NKAIN3: variants seen among roughly 807,000 people sequenced by gnomAD.
NKAIN3 encodes sodium/potassium transporting ATPase interacting 3.
In NKAIN3, 25 loss-of-function variants were observed where a neutral mutation model predicts 30.2. The ratio of observed to expected loss-of-function variants is 0.83; its 90% CI spans 0.60 to 1.16. The LOEUF is 1.16. Ranked by LOEUF, NKAIN3 falls within the 50% of genes most tolerant of loss-of-function variation. The pLI, the probability that NKAIN3 is intolerant of heterozygous loss-of-function variation, is 0.00. For missense variants in NKAIN3, 225 were observed against 254.1 expected, an observed-to-expected ratio of 0.89 and a Z score of 0.78; for synonymous variants, 91 against 89.6, an observed-to-expected ratio of 1.02 and a Z score of -0.09.
At chr8:62,739,559 C>CA (rs1044780165) in intron 3 of NKAIN3, among the ~76,000 whole-genome samples, 11 of 151,882 alleles carry the variant, frequency 7.2e-5, no homozygotes, top group South Asian at 2.1e-4. Flanking sequence ...TATTTTGGTG[C>CA]AAAAAAATTG....
intron 3 of NKAIN3, among the ~76,000 whole-genome samples, chr8:62,715,319 G>A (rs1015487793): frequency 6.6e-6 from 1 of 152,146 alleles, no homozygotes; most frequent in African/African-American, 2.4e-5. Context: ...CCAGTGTCCA[G>A]GTTGACTAAT....
intron 3 of NKAIN3, among the ~76,000 whole-genome samples, chr8:62,724,379 G>A (rs1415192453): frequency 2.0e-5 from 3 of 151,890 alleles, no homozygotes; most frequent in Non-Finnish European, 2.9e-5. Context: ...TCTTTGCTTT[G>A]TGTTATCATC....
chr8:62,788,606 G>C (rs1392561964), intron 4 of NKAIN3, among the ~76,000 whole-genome samples: 1 of 152,064 alleles, frequency 6.6e-6, no homozygotes, highest in East Asian at 1.9e-4. Context: ...TGAAGTCCTT[G>C]CCCATGCCTA....
At chr8:62,419,453 T>C (rs1488758849) in intron 1 of NKAIN3, among the ~76,000 whole-genome samples, 2 of 152,138 alleles carry the variant, frequency 1.3e-5, no homozygotes, top group Non-Finnish European at 2.9e-5. Flanking sequence ...TAAGGAGAAA[T>C]CACAGCTCTC....
intron 4 of NKAIN3, chr8:62,856,156 C>A: frequency 1.4e-6 from 1 of 737,194 alleles, no homozygotes; most frequent in East Asian, 2.5e-5. Flanking sequence ...AGATCTCAGA[C>A]CTCTTGGTAT....
chr8:62,279,144 T>C (rs1813080459), intron 1 of NKAIN3, among the ~76,000 whole-genome samples: 1 of 152,234 alleles, frequency 6.6e-6, no homozygotes, highest in African/African-American at 2.4e-5. Flanking sequence ...ATGAGCATTT[T>C]TTCACGTGTC....
intron 4 of NKAIN3, among the ~76,000 whole-genome samples, chr8:62,780,375 AC>A (rs1438320647): frequency 6.6e-6 from 1 of 152,090 alleles, no homozygotes; most frequent in Non-Finnish European, 1.5e-5. Flanking sequence ...AAGAACTAAT[AC>A]CAATTCCCTC....
chr8:62,363,320 G>C (rs1029567647), intron 1 of NKAIN3, among the ~76,000 whole-genome samples: 1 of 152,136 alleles, frequency 6.6e-6, no homozygotes, highest in Non-Finnish European at 1.5e-5. Flanking sequence ...GTCTTGTAAG[G>C]AGAGCTCACT....
At chr8:62,685,571 T>G (rs1017207291) in intron 3 of NKAIN3, among the ~76,000 whole-genome samples, 2 of 152,214 alleles carry the variant, frequency 1.3e-5, no homozygotes, top group Non-Finnish European at 2.9e-5. Flanking sequence ...TTCAGGAAAA[T>G]TAATTCTTCT....
At chr8:62,268,737 C>T (rs925806904) in intron 1 of NKAIN3, among the ~76,000 whole-genome samples, 2 of 152,094 alleles carry the variant, frequency 1.3e-5, no homozygotes, top group Admixed American at 6.6e-5. Context: ...ACATTGCTGG[C>T]CGATAAACAG....
At chr8:62,997,902 G>C (rs1481792596) in intron 5 of NKAIN3, among the ~76,000 whole-genome samples, 21 of 152,062 alleles carry the variant, frequency 1.4e-4, no homozygotes, top group Non-Finnish European at 1.5e-5. Context: ...TTACCCCTTA[G>C]GGCTTTTTGG....
chr8:62,509,016 G>C (rs1409543483), intron 1 of NKAIN3, among the ~76,000 whole-genome samples: 1 of 152,102 alleles, frequency 6.6e-6, no homozygotes, highest in Non-Finnish European at 1.5e-5. Flanking sequence ...TATATCTTTA[G>C]TGAGAAGGTC....
Position 62,820,867 on chromosome 8 carries a change from A to C in NKAIN3, c.471+73738A>C, listed in dbSNP as rs189603750. 2.9e-3 allele frequency among the ~76,000 whole-genome samples: 447 copies of C among 152,258 alleles called. 1 individual carries two copies. The highest frequency in any genetic ancestry group is 0.01 in the African/African-American group (425 of 41,576). ...AAACATGAATGTGCATATTTAGCTA[A>C]GTAATTTGAAGCAATCTGAGTCTAC... On this transcript the variant is annotated intron_variant, in intron 4 of 6. Transcript: ENST00000623646.
intron 1 of NKAIN3, among the ~76,000 whole-genome samples, chr8:62,443,902 C>A (rs1354972119): frequency 6.6e-6 from 1 of 152,044 alleles, no homozygotes; most frequent in Non-Finnish European, 1.5e-5. Flanking sequence ...GTCTTGTAAG[C>A]ACTTTGCCTG....
At chr8:62,590,895 T>C (rs1262522097) in intron 3 of NKAIN3, among the ~76,000 whole-genome samples, 1 of 151,910 alleles carries the variant, frequency 6.6e-6, no homozygotes. Context: ...AAGCAACGTT[T>C]CCAATATTGA....
rs1214627324 is a variant in NKAIN3 at position 62,967,832 on chromosome 8, T to C, written c.*2425T>C. Among the ~76,000 whole-genome samples, 1 of 152,164 alleles carries C rather than the reference T, an allele frequency of 6.6e-6. No individual in the cohort carries two copies. Among genetic ancestry groups the C allele is most frequent in the Non-Finnish European group, 1.5e-5 (1 of 68,026 alleles). On this transcript the variant is annotated 3_prime_UTR_variant, in exon 7 of 7. Coordinates refer to ENST00000623646, the MANE Select transcript of NKAIN3 (RefSeq NM_001304533.3). ...AAAATGTGGTTAACATTTCACAAAATAGAACCATACTAAATTTTGTTTCTA... is the reference window on the plus strand; with the variant it reads ...AAAATGTGGTTAACATTTCACAAAACAGAACCATACTAAATTTTGTTTCTA...
intron 1 of NKAIN3, among the ~76,000 whole-genome samples, chr8:62,553,856 A>G (rs527733262): frequency 1.3e-4 from 20 of 152,118 alleles, no homozygotes; most frequent in Non-Finnish European, 2.4e-4. Flanking sequence ...ATTCTTATCC[A>G]TAAGTTTCTA....
At chr8:62,279,438 A>C (rs879513256) in intron 1 of NKAIN3, among the ~76,000 whole-genome samples, 3 of 152,086 alleles carry the variant, frequency 2.0e-5, no homozygotes, top group Non-Finnish European at 4.4e-5. Context: ...TTAGACATGA[A>C]GTTCTTGCCC....
At chr8:62,380,463 T>A (rs1415015384) in intron 1 of NKAIN3, among the ~76,000 whole-genome samples, 3 of 152,170 alleles carry the variant, frequency 2.0e-5, no homozygotes, top group African/African-American at 7.2e-5. Context: ...GCTCATTAGA[T>A]AATCCAGCAG....
Sources: allele counts gnomAD v4.1 joint callset (sites outside exome capture counted in the v4.1 genomes callset), GRCh38; gene constraint gnomAD v4.1.1; transcripts MANE v1.5; gene names NCBI Gene and HGNC (gene_info 2026-07-23, HGNC 2026-07-21).